Variants in ARPIN observed in about 807,000 individuals in gnomAD.
ARPIN encodes UPF0552 protein C15orf38.
In ARPIN, 23 loss-of-function variants were observed where a neutral mutation model predicts 25.9. The ratio of observed to expected loss-of-function variants is 0.89; its 90% CI spans 0.64 to 1.26. The LOEUF (loss-of-function observed/expected upper bound fraction) is 1.26, where lower values mean the gene tolerates loss of function less well. ARPIN is among the 50% of genes most tolerant of loss of function. ARPIN has a pLI of 0.00. For missense variants in ARPIN, 333 were observed against 312.2 expected (o/e 1.07, Z -0.50); for synonymous variants, 126 against 131.4 (o/e 0.96, Z 0.28).
At chr15:89,909,752 C>G (rs1567197314) in intron 2 of ARPIN, among the ~76,000 whole-genome samples, 1 of 152,118 alleles carries the variant, frequency 6.6e-6, no homozygotes, top group African/African-American at 2.4e-5. Flanking sequence ...AGGTAAGCAG[C>G]CATGGAAAGA....
At position 89,896,920 on chromosome 15, in the gene ARPIN, G is replaced by A. The variant is rs1220159686; in HGVS notation, c.*4875C>T. On this transcript the variant is annotated 3_prime_UTR_variant, in exon 6 of 6. Transcript: ENST00000357484. ...AAAATGGTTCTCCCCTACATTGCTG[G>A]TGAAATTATGGTTTAGAACAACCCT... The A allele has an allele frequency of 6.6e-6, 1 of 152,156 alleles. No individual in the cohort carries two copies. The highest frequency in any genetic ancestry group is 1.5e-5 in the Non-Finnish European group (1 of 68,044). The allele number at this position is 152,156 out of a possible 1,614,324, so 9.4% of individuals were successfully genotyped here.
intron 1 of ARPIN, among the ~76,000 whole-genome samples, chr15:89,911,460 G>A (rs372796826): frequency 6.6e-6 from 1 of 152,134 alleles, no homozygotes; most frequent in Non-Finnish European, 1.5e-5. Flanking sequence ...AAAGCAGAAC[G>A]TGGAGGCTTC....
intron 3 of ARPIN, among the ~76,000 whole-genome samples, chr15:89,905,555 C>T (rs544183411): frequency 1.3e-5 from 2 of 152,188 alleles, no homozygotes; most frequent in African/African-American, 2.4e-5. Flanking sequence ...CCAGAGTCAC[C>T]GGTGAGCTCT....
At chr15:89,903,639 G>T in intron 4 of ARPIN, 138 bp downstream of exon 4, 1 of 1,425,102 alleles carries the variant, frequency 7.0e-7, no homozygotes, top group Non-Finnish European at 9.4e-7. Flanking sequence ...GGATTTAGGA[G>T]TAAATCTCAA....
In ARPIN at chr15:89,901,948, G is replaced by A. The variant is rs543715492; in HGVS notation, c.673-145C>T. ...CTGGGCGCCTCATTAGAGCTGGCCC[G>A]GCAGCTCCAACAGCTCTTGGACTGT... is the stretch of plus-strand genomic sequence containing the variant. On this transcript the variant is annotated intron_variant, in intron 5 of 5. Transcript: ENST00000357484. 67 of 855,066 alleles carry A rather than the reference G, an allele frequency of 7.8e-5. 1 individual carries two copies. The highest frequency in any genetic ancestry group is 9.4e-5 in the South Asian group (6 of 63,874). The allele number at this position is 855,066 out of a possible 1,614,324, so 53.0% of individuals were successfully genotyped here.
At chr15:89,912,664 C>CA in intron 1 of ARPIN, 80 bp downstream of exon 1, 1 of 452,898 alleles carries the variant, frequency 2.2e-6, no homozygotes, top group South Asian at 7.6e-5. Context: ...CCACCCGCAT[C>CA]CCACCCCCCC....
chr15:89,899,332 ACC>A lies in ARPIN; in HGVS notation c.*2461_*2462del, dbSNP rs1896981153. On this transcript the variant is annotated 3_prime_UTR_variant, in exon 6 of 6. Coordinates refer to ENST00000357484, the MANE Select transcript of ARPIN (RefSeq NM_182616.4). ...ACTCCTGACCTCAAGTGATCCGCCC[ACC>A]TCGGCCTCCCAAAGTGCTAAGATTA... The A allele has an allele frequency of 6.6e-6, 1 of 152,166 alleles. No homozygotes were observed. The highest frequency in any genetic ancestry group is 1.5e-5 in the Non-Finnish European group (1 of 68,188). 9.4% of individuals were successfully genotyped at this position (152,166 alleles called of 1,614,324 possible). A position where few individuals can be genotyped will look rare whatever the true frequency, so the allele number is the denominator to read the frequency against.
chr15:89,908,579 C>T (rs1897168835), intron 2 of ARPIN, among the ~76,000 whole-genome samples, 167 bp from the exon 3 acceptor site: 1 of 152,140 alleles, frequency 6.6e-6, no homozygotes, highest in Non-Finnish European at 1.5e-5. Context: ...AATACTTATG[C>T]ATTCATGGGT....
intron 3 of ARPIN, among the ~76,000 whole-genome samples, chr15:89,905,436 T>C (rs573068804): frequency 9.9e-5 from 15 of 152,178 alleles, no homozygotes; most frequent in African/African-American, 3.6e-4. Context: ...GATAGACCCC[T>C]TCCCCCCTCC....
Position 89,912,902 on chromosome 15 carries a change from T to C in ARPIN, c.-67A>G, listed in dbSNP as rs940670399. On this transcript the variant is annotated 5_prime_UTR_variant, in exon 1 of 6. Transcript: ENST00000357484. ...TGGGCTGGGGGCGCGGCGCGGGAAG[T>C]GCTGCAGGACGCGCGGGGACCCGCG... The C allele has an allele frequency of 4.2e-6, 6 of 1,441,810 alleles. No individual in the cohort carries two copies. The African/African-American group carries it at 6.1e-5, about 15-fold the overall frequency. The allele number at this position is 1,441,810 out of a possible 1,614,324, so 89.3% of individuals were successfully genotyped here.
intron 3 of ARPIN, among the ~76,000 whole-genome samples, chr15:89,907,138 G>A (rs899579546): frequency 4.6e-5 from 7 of 151,108 alleles, no homozygotes; most frequent in East Asian, 3.9e-4. Flanking sequence ...GTGCAATCTC[G>A]GCTCACTGCA....
chr15:89,908,127 CA>C (rs1897157148), intron 3 of ARPIN, among the ~76,000 whole-genome samples, 152 bp downstream of exon 3: 1 of 152,218 alleles, frequency 6.6e-6, no homozygotes, highest in African/African-American at 2.4e-5. Flanking sequence ...GAGGCAAGGC[CA>C]GGGGTGGATG....
At chr15:89,906,201 G>A (rs148129994) in intron 3 of ARPIN, among the ~76,000 whole-genome samples, 17 of 152,250 alleles carry the variant, frequency 1.1e-4, no homozygotes, top group African/African-American at 3.9e-4. Context: ...CTGGGCTCCA[G>A]GCTATTTGCC....
chr15:89,903,263 C>T lies in ARPIN; in HGVS notation c.625G>A (p.Ala209Thr). 2 of 1,614,242 alleles carry T rather than the reference C, an allele frequency of 1.2e-6. No homozygotes were observed. The highest frequency in any genetic ancestry group is 2.2e-5 in the East Asian group (1 of 44,882). Residue 209 changes from alanine (A) to threonine (T), a missense_variant, in exon 5 of 6, where the codon GCA becomes ACA. Coordinates refer to ENST00000357484, the MANE Select transcript of ARPIN (RefSeq NM_182616.4). ...TCCCCCTGCTCTCGGATCTCCGCTG[C>T]AGCCCCCTTCGAACACTTTTGGGCC... Reference protein sequence around the residue: ...IMAQKCSKGAAAEIREQGDGA... With the variant: ...IMAQKCSKGATAEIREQGDGA...
chr15:89,910,139 G>A (rs1238592843), intron 2 of ARPIN, among the ~76,000 whole-genome samples: 2 of 152,200 alleles, frequency 1.3e-5, no homozygotes, highest in South Asian at 2.1e-4. Context: ...GGAGGGACAT[G>A]CAGGCTCCAT....
chr15:89,912,846 G>T lies in ARPIN; in HGVS notation c.-11C>A, dbSNP rs1301412504. 4.6e-6 allele frequency: 7 copies of T among 1,517,746 alleles called. No individual in the cohort carries two copies. The highest frequency in any genetic ancestry group is 6.2e-6 in the Non-Finnish European group (7 of 1,136,640). 94.0% of individuals were successfully genotyped at this position (1,517,746 alleles called of 1,614,324 possible). A position where few individuals can be genotyped will look rare whatever the true frequency, so the allele number is the denominator to read the frequency against. Reference sequence around the variant, plus strand: ...GTAGATGCGGCTCATTCTCCCGACCGCCCGGGCACCCCGGCACAGAGCCGG... The same window carrying T: ...GTAGATGCGGCTCATTCTCCCGACCTCCCGGGCACCCCGGCACAGAGCCGG... On this transcript the variant is annotated 5_prime_UTR_variant, in exon 1 of 6. Coordinates refer to ENST00000357484, the MANE Select transcript of ARPIN (RefSeq NM_182616.4).
chr15:89,905,471 C>G (rs1897104833), intron 3 of ARPIN, among the ~76,000 whole-genome samples: 1 of 152,146 alleles, frequency 6.6e-6, no homozygotes, highest in Admixed American at 6.5e-5. Context: ...TCTCTCCCCA[C>G]TCCTTGACCT....
chr15:89,904,121 G>C (rs1897077890), intron 3 of ARPIN, 138 bp from the exon 4 acceptor site: 1 of 1,093,376 alleles, frequency 9.1e-7, no homozygotes, highest in African/African-American at 1.6e-5. Context: ...CATTCTGCGA[G>C]TCCTCATCAA....
rs762155392 is a variant in ARPIN, at chr15:89,910,815, T to G, written c.97A>C (p.Asn33His). 1 of 1,614,100 alleles carries G rather than the reference T, an allele frequency of 6.2e-7. No homozygotes were observed. Among genetic ancestry groups the G allele is most frequent in the South Asian group, 1.1e-5 (1 of 91,084 alleles). Reference sequence around the variant, plus strand: ...AGTTCTCCCTCCAGCAGGACACCATTTCCCCTGGGGATGAAAGGGAAAGAA... The same window carrying G: ...AGTTCTCCCTCCAGCAGGACACCATGTCCCCTGGGGATGAAAGGGAAAGAA... ...AWDPAAHQGG[N>H]GVLLEGELID... is the part of the protein sequence containing the mutation. Residue 33 changes from asparagine (N) to histidine (H), a missense_variant, in exon 2 of 6, where the codon AAT (asparagine) becomes CAT (histidine). Asn to His is a moderately conservative substitution (Grantham distance 68, BLOSUM62 1). Coordinates refer to ENST00000357484, the MANE Select transcript of ARPIN (RefSeq NM_182616.4).
Sources: gnomAD v4.1 joint callset for allele counts (sites outside exome capture counted in the v4.1 genomes callset) on GRCh38, gnomAD v4.1.1 for gene constraint, MANE v1.5 for transcripts, NCBI Gene and HGNC (gene_info 2026-07-23, HGNC 2026-07-21) for gene names.